Variants in KHNYN observed in about 807,000 individuals in gnomAD.
KHNYN encodes the protein KH and NYN domain containing, also known as protein KHNYN.
A neutral mutation model predicts 62.7 loss-of-function variants in KHNYN; 42 were observed. The ratio of observed to expected loss-of-function variants is 0.67; its 90% CI spans 0.52 to 0.87. KHNYN has a LOEUF of 0.87. KHNYN is among the 40% of genes least tolerant of loss of function. KHNYN has a pLI of 0.00. For synonymous variants in KHNYN, 347 were observed against 345.6 expected, an observed-to-expected ratio of 1.00 and a Z score of -0.04; for missense variants, 829 against 874.1, an observed-to-expected ratio of 0.95 and a Z score of 0.65.
Position 24,440,707 on chromosome 14 carries a change from G to A in KHNYN, c.*3422G>A. The stretch of plus-strand genomic sequence containing the variant: ...CTCTCACTCTGTAATTGTAATCTCA[G>A]CTCTCCTAATCCCATCACTTCCCCA... On this transcript the variant is annotated 3_prime_UTR_variant, in exon 8 of 8. Transcript: ENST00000553935. The A allele has an allele frequency of 6.5e-7, 1 of 1,533,294 alleles. No individual in the cohort carries two copies. The highest frequency in any genetic ancestry group is 2.3e-5 in the East Asian group (1 of 44,316). 95.0% of individuals were successfully genotyped at this position (1,533,294 alleles called of 1,614,324 possible).
rs1169737915 is a variant in KHNYN at position 24,432,709 on chromosome 14, C to T, written c.1350-13C>T. On this transcript the variant is annotated splice_polypyrimidine_tract_variant and intron_variant, in intron 3 of 7. Transcript: ENST00000553935. The surrounding 1 kb of genome is among the most constrained non-coding windows in gnomAD (Gnocchi z 5.6). ...GCCAAGCCCCTCCTCTGGCCGACCC[C>T]CTCCCACTACAGGCATGGCCTCCAG... 1.2e-6 allele frequency: 2 copies of T among 1,614,150 alleles called. No individual in the cohort carries two copies. Among genetic ancestry groups the T allele is most frequent in the Non-Finnish European group, 8.5e-7 (1 of 1,180,026 alleles).
Position 24,430,946 on chromosome 14 carries a change from TC to T in KHNYN, c.201+20del, listed in dbSNP as rs1441877883. The T allele has an allele frequency of 1.2e-5, 20 of 1,603,468 alleles. No individual in the cohort carries two copies. Among genetic ancestry groups the T allele is most frequent in the Non-Finnish European group, 1.6e-5 (19 of 1,172,540 alleles). ...GCAGAGCCAAGGTGAACGCCTTCTC[TC>T]CCCCATCCCTCCAGGCACCAAGGAC... is the stretch of plus-strand genomic sequence containing the variant. On this transcript the variant is annotated intron_variant, in intron 2 of 7. Transcript: ENST00000553935.
Position 24,441,840 on chromosome 14 carries a change from T to G in KHNYN, c.*4555T>G, listed in dbSNP as rs1249274409. The G allele has an allele frequency of 5.1e-6, 8 of 1,581,410 alleles. No homozygotes were observed. The highest frequency in any genetic ancestry group is 1.4e-5 in the African/African-American group (1 of 73,830). ...AATAAAAAGCCACTAAATACATAAG[T>G]GCACATATCCCTCTCTCTGTCTTTT... On this transcript the variant is annotated 3_prime_UTR_variant, in exon 8 of 8. Transcript: ENST00000553935.
Position 24,432,450 on chromosome 14 carries a change from G to T in KHNYN, c.1189G>T (p.Gly397Trp). 1.2e-6 allele frequency: 2 copies of T among 1,613,530 alleles called. No homozygotes were observed. Among genetic ancestry groups the T allele is most frequent in the Non-Finnish European group, 1.7e-6 (2 of 1,179,894 alleles). Residue 397 changes from glycine (G) to tryptophan (W), a missense_variant, in exon 3 of 8, where the codon GGG (glycine) becomes TGG (tryptophan). Physicochemically the swap from Gly to Trp is radical, Grantham distance 184 (BLOSUM62 -2). This residue lies in a region of KHNYN where 559 missense variants were observed against 527.0 expected (regional missense o/e 1.06). Coordinates refer to ENST00000553935, the MANE Select transcript of KHNYN (RefSeq NM_015299.3). The surrounding 1 kb of genome is among the most constrained non-coding windows in gnomAD (Gnocchi z 5.6). ...DKQQGMARGR[G>W]PQWKRGARGG... ...GCAGCAGGGCATGGCACGGGGTCGGGGGCCTCAATGGAAACGAGGCGCCCG... is the reference window on the plus strand; with the variant it reads ...GCAGCAGGGCATGGCACGGGGTCGGTGGCCTCAATGGAAACGAGGCGCCCG...
At chr14:24,434,628 T>C (rs1304018478) in intron 5 of KHNYN, among the ~76,000 whole-genome samples, 3 of 152,020 alleles carry the variant, frequency 2.0e-5, no homozygotes, top group African/African-American at 4.8e-5. Context: ...TGGTCTTGAT[T>C]TCCTGACCTC....
upstream of KHNYN, chr14:24,427,738 C>A: frequency 1.3e-6 from 2 of 1,555,806 alleles, no homozygotes; most frequent in South Asian, 1.1e-5. This position sits in a 1 kb window ranked among gnomAD's most constrained non-coding sequence, Gnocchi z 4.4. Context: ...CAAGAGAGGG[C>A]AGAAGAAAGT....
rs374951408 is a variant in KHNYN, at chr14:24,436,433, T to C, written c.1731T>C (p.Asp577=). 10 of 1,613,818 alleles carry C rather than the reference T, an allele frequency of 6.2e-6. No homozygotes were observed. The Middle Eastern group carries it at 4.9e-4, about 80-fold the overall frequency. The change falls in exon 7 of 8, where the codon GAT becomes GAC. Residue 577 remains aspartate (D), a synonymous_variant. Coordinates refer to ENST00000553935, the MANE Select transcript of KHNYN (RefSeq NM_015299.3). ...TGGGAAACCTCTTCATGGTACCTGA[T>C]GACCCACTGGGGCGAAACGGCCCCA... The part of the protein sequence containing the change: ...TFVGNLFMVP[D]DPLGRNGPTL...
Position 24,440,100 on chromosome 14 carries a change from T to A in KHNYN, c.*2815T>A. 6.2e-7 allele frequency: 1 copy of A among 1,603,102 alleles called. No homozygotes were observed. ...CGACCTACTTAGGCTACAATTTCCT[T>A]TAAGGCAGCCCCTAGCTCTGGGAAG... On this transcript the variant is annotated 3_prime_UTR_variant, in exon 8 of 8. Transcript: ENST00000553935.
chr14:24,430,411 C>T (rs958547862), intron 1 of KHNYN: 2 of 1,188,296 alleles, frequency 1.7e-6, no homozygotes, highest in Non-Finnish European at 2.1e-6. Context: ...CAGGAGACTC[C>T]TTCTGGCCTC....
chr14:24,440,666 T>TAG lies in KHNYN; in HGVS notation c.*3383_*3384dup. On this transcript the variant is annotated 3_prime_UTR_variant, in exon 8 of 8. Coordinates refer to ENST00000553935, the MANE Select transcript of KHNYN (RefSeq NM_015299.3). The stretch of plus-strand genomic sequence containing the variant: ...CACACCTTCTCATCTGCAGGTTGGC[T>TAG]AGAAGTGGTGGCATCCTCTCACTCT... 1 of 1,421,244 alleles carries TAG rather than the reference T, an allele frequency of 7.0e-7. No homozygotes were observed. Among genetic ancestry groups the TAG allele is most frequent in the South Asian group, 1.3e-5 (1 of 78,896 alleles). The allele number at this position is 1,421,244 out of a possible 1,614,324, so 88.0% of individuals were successfully genotyped here.
Position 24,441,731 on chromosome 14 carries a change from T to C in KHNYN, c.*4446T>C. On this transcript the variant is annotated 3_prime_UTR_variant, in exon 8 of 8. Transcript: ENST00000553935. Reference sequence around the variant, plus strand: ...GGTTGTGGGGCTTTGGTGATGGCTTTAGCCAGCAATTGGGTGGTCTCTAGG... The same window carrying C: ...GGTTGTGGGGCTTTGGTGATGGCTTCAGCCAGCAATTGGGTGGTCTCTAGG... 6.2e-7 allele frequency: 1 copy of C among 1,602,214 alleles called. No homozygotes were observed. Among genetic ancestry groups the C allele is most frequent in the Non-Finnish European group, 8.5e-7 (1 of 1,176,610 alleles).
At chr14:24,428,673 G>T (rs953905407), upstream of KHNYN, 6 of 1,446,342 alleles carry the variant, frequency 4.1e-6, no homozygotes, top group Non-Finnish European at 5.6e-6. Flanking sequence ...AAGCCTCAGA[G>T]ACAGCAAAGT....
chr14:24,428,099 G>A, upstream of KHNYN: 1 of 1,345,264 alleles, frequency 7.4e-7, no homozygotes, highest in South Asian at 1.3e-5. Flanking sequence ...TCCCGGGAGG[G>A]CTGAGGGGCG....
At position 24,438,166 on chromosome 14, in the gene KHNYN, CAA is replaced by C. The variant is rs1331412479; in HGVS notation, c.*884_*885del. On this transcript the variant is annotated 3_prime_UTR_variant, in exon 8 of 8. Coordinates refer to ENST00000553935, the MANE Select transcript of KHNYN (RefSeq NM_015299.3). Reference sequence around the variant, plus strand: ...GGTAAATTAGGGATGACTGCATTATCAAAATACTCTCAGGGTTCCTATAAATG... The same window carrying C: ...GGTAAATTAGGGATGACTGCATTATCAATACTCTCAGGGTTCCTATAAATG... 1.3e-5 allele frequency: 2 copies of C among 152,650 alleles called. No individual in the cohort carries two copies. The highest frequency in any genetic ancestry group is 2.9e-5 in the Non-Finnish European group (2 of 68,054). The allele number at this position is 152,650 out of a possible 1,614,324, so 9.5% of individuals were successfully genotyped here.
chr14:24,426,160 A>T (rs536732586), upstream of KHNYN, among the ~76,000 whole-genome samples: 1 of 152,230 alleles, frequency 6.6e-6, no homozygotes, highest in Non-Finnish European at 1.5e-5. Context: ...CCTTGTTCCA[A>T]TTAACTGTAT....
upstream of KHNYN, among the ~76,000 whole-genome samples, chr14:24,425,891 C>T (rs935551362): frequency 2.6e-5 from 4 of 152,180 alleles, no homozygotes; most frequent in Non-Finnish European, 5.9e-5. Flanking sequence ...TCATTCTTGG[C>T]ACAGTGCCAG....
In KHNYN at chr14:24,432,618, C is replaced by T. The variant is rs4537942; in HGVS notation, c.1349+8C>T. 0.056 allele frequency: 89,601 copies of T among 1,606,900 alleles called. 4,868 individuals are homozygous for T. The highest frequency in any genetic ancestry group is 0.29 in the Admixed American group (17,123 of 59,782). ...CAGCAACGTGGCCATGGTGTGAGTA[C>T]CTGGTGGGGCTAAGGGCCTAGGAGA... On this transcript the variant is annotated splice_region_variant and intron_variant, in intron 3 of 7. Transcript: ENST00000553935. The surrounding 1 kb of genome is among the most constrained non-coding windows in gnomAD (Gnocchi z 5.6).
Position 24,432,311 on chromosome 14 carries a change from G to T in KHNYN, c.1050G>T (p.Gly350=). The T allele has an allele frequency of 6.2e-7, 1 of 1,614,054 alleles. No homozygotes were observed. The highest frequency in any genetic ancestry group is 8.5e-7 in the Non-Finnish European group (1 of 1,179,972). Residue 350 remains glycine (G), a synonymous_variant, in exon 3 of 8, where the codon GGG becomes GGT. Coordinates refer to ENST00000553935, the MANE Select transcript of KHNYN (RefSeq NM_015299.3). This position sits in a 1 kb window ranked among gnomAD's most constrained non-coding sequence, Gnocchi z 5.6. ...CCCTCCTCCAGCGGCTCCACAATGG[G>T]AATGCCTCTCCTCCGAGGGTGCCCA... ...GASLLQRLHN[G]NASPPRVPSP... is the part of the protein sequence containing the mutation.
Position 24,441,291 on chromosome 14 carries a change from CT to C in KHNYN, c.*4007del. ...TTAAAATGGGAATAATAGTACCTACCTCATAGGGTTGTTGTAAGGAATAAAT... is the reference window on the plus strand; with the variant it reads ...TTAAAATGGGAATAATAGTACCTACCCATAGGGTTGTTGTAAGGAATAAAT... On this transcript the variant is annotated 3_prime_UTR_variant, in exon 8 of 8. Coordinates refer to ENST00000553935, the MANE Select transcript of KHNYN (RefSeq NM_015299.3). 4.5e-6 allele frequency: 2 copies of C among 447,154 alleles called. No homozygotes were observed. The highest frequency in any genetic ancestry group is 8.1e-6 in the Non-Finnish European group (2 of 246,168). The allele number at this position is 447,154 out of a possible 1,614,324, so 27.7% of individuals were successfully genotyped here. A position where few individuals can be genotyped will look rare whatever the true frequency, so the allele number is the denominator to read the frequency against.
Sources: allele counts gnomAD v4.1 joint callset (sites outside exome capture counted in the v4.1 genomes callset), GRCh38; gene constraint gnomAD v4.1.1; regional missense constraint gnomAD v4.1.1; non-coding constraint Gnocchi (gnomAD v3.1); transcripts MANE v1.5; gene names NCBI Gene and HGNC (gene_info 2026-07-23, HGNC 2026-07-21).